CPNE2: variants seen among roughly 807,000 people sequenced by gnomAD.
CPNE2 encodes the protein copine-2.
In CPNE2, 42 loss-of-function variants were observed where a neutral mutation model predicts 69.7. The observed-to-expected ratio is 0.60, with a 90% CI of 0.47 to 0.78. CPNE2 has a LOEUF of 0.78. Ranked by LOEUF, CPNE2 falls within the 30% of genes least tolerant of loss-of-function variation. The pLI is 0.00. For synonymous variants in CPNE2, 294 were observed against 289.8 expected (o/e 1.01, Z -0.15); for missense variants, 587 against 732.0 (o/e 0.80, Z 2.29).
intron 5 of CPNE2, among the ~76,000 whole-genome samples, 161 bp downstream of exon 5, chr16:57,117,728 A>G (rs1017914492): frequency 2.6e-5 from 4 of 151,992 alleles, no homozygotes; most frequent in Admixed American, 1.3e-4. Flanking sequence ...GGACTCCTTC[A>G]CCTCTGAGGT....
At chr16:57,101,551 G>T (rs1481833227) in intron 1 of CPNE2, among the ~76,000 whole-genome samples, 1 of 152,070 alleles carries the variant, frequency 6.6e-6, no homozygotes, top group African/African-American at 2.4e-5. Context: ...GGTGTGTGAA[G>T]CCAGCAGGGC....
chr16:57,134,880 C>T (rs1438694217), intron 13 of CPNE2, 54 bp downstream of exon 13: 2 of 1,582,390 alleles, frequency 1.3e-6, no homozygotes, highest in Non-Finnish European at 1.7e-6. Flanking sequence ...GCCTGGCCAG[C>T]TCCCTGGGTG....
At chr16:57,117,193 C>T (rs759624320) in intron 4 of CPNE2, among the ~76,000 whole-genome samples, 24 of 152,088 alleles carry the variant, frequency 1.6e-4, no homozygotes, top group African/African-American at 5.3e-4. Flanking sequence ...AACCTCTCCC[C>T]GGGACTCAAG....
intron 7 of CPNE2, among the ~76,000 whole-genome samples, chr16:57,120,431 G>A (rs1384808132): frequency 1.1e-4 from 14 of 130,014 alleles, no homozygotes; most frequent in African/African-American, 3.9e-4. Flanking sequence ...CTTTAGTAGA[G>A]ACCGTCTCAA....
intron 14 of CPNE2, among the ~76,000 whole-genome samples, chr16:57,139,265 G>A (rs1273996842): frequency 1.3e-5 from 2 of 152,130 alleles, no homozygotes; most frequent in Non-Finnish European, 2.9e-5. Context: ...GCTGTCTTCT[G>A]TTCCTGGGTG....
rs1418459285 is a variant in CPNE2 at position 57,130,119 on chromosome 16, A to G, written c.1116+2216A>G. ...AAGTTGGCTGGGTGCAGTGGCTCAC[A>G]CTTATAATCTTAGCACTTTGGGAGG... On this transcript the variant is annotated intron_variant, in intron 12 of 15. Transcript: ENST00000290776. This position sits in a 1 kb window ranked among gnomAD's most constrained non-coding sequence, Gnocchi z 4.1. 4.6e-5 allele frequency among the ~76,000 whole-genome samples: 7 copies of G among 152,116 alleles called. No homozygotes were observed. The highest frequency in any genetic ancestry group is 4.6e-4 in the Admixed American group (7 of 15,276).
At chr16:57,137,039 T>C in intron 13 of CPNE2, 110 bp from the exon 14 acceptor site, 1 of 1,461,090 alleles carries the variant, frequency 6.8e-7, no homozygotes. Context: ...ATGCTAGCCA[T>C]GGCAGGGACA....
intron 1 of CPNE2, among the ~76,000 whole-genome samples, chr16:57,104,695 G>A (rs1026032404): frequency 3.9e-5 from 6 of 152,224 alleles, no homozygotes; most frequent in Non-Finnish European, 8.8e-5. Flanking sequence ...TATGTAAAAC[G>A]ATTGTACATT....
At chr16:57,135,449 A>G (rs2069872195) in intron 13 of CPNE2, among the ~76,000 whole-genome samples, 1 of 152,178 alleles carries the variant, frequency 6.6e-6, no homozygotes, top group Non-Finnish European at 1.5e-5. Flanking sequence ...CAAGAGGAGC[A>G]CTTGAGCCTA....
At chr16:57,114,934 C>CAAAAAA (rs55845635) in intron 3 of CPNE2, among the ~76,000 whole-genome samples, 2,425 of 39,042 alleles carry the variant, frequency 0.062, 606 homozygotes, top group East Asian at 0.13. Flanking sequence ...TTGTCTCTAC[C>CAAAAAA]AAAAAAAAAA....
chr16:57,110,599 C>A, intron 1 of CPNE2, 109 bp from the exon 2 acceptor site: 1 of 608,292 alleles, frequency 1.6e-6, no homozygotes, highest in Non-Finnish European at 2.7e-6. Context: ...CTCAATTTGC[C>A]TTCCATCTCT....
chr16:57,125,280 TG>T, intron 10 of CPNE2: 2 of 456,092 alleles, frequency 4.4e-6, no homozygotes, highest in Non-Finnish European at 8.8e-6. Flanking sequence ...TTCCCAGCCC[TG>T]GGCCAGGCTT....
intron 5 of CPNE2, 116 bp downstream of exon 5, chr16:57,117,683 G>T: frequency 8.5e-7 from 1 of 1,183,390 alleles, no homozygotes; most frequent in Non-Finnish European, 1.2e-6. Flanking sequence ...CTAGGGACTG[G>T]TCCAGCACGG....
chr16:57,147,731 T>A lies in CPNE2; in HGVS notation c.*73T>A. The A allele has an allele frequency of 9.9e-7, 1 of 1,007,296 alleles. No individual in the cohort carries two copies. The highest frequency in any genetic ancestry group is 1.4e-6 in the Non-Finnish European group (1 of 721,696). 62.4% of individuals were successfully genotyped at this position (1,007,296 alleles called of 1,614,324 possible). On this transcript the variant is annotated 3_prime_UTR_variant, in exon 16 of 16. Coordinates refer to ENST00000290776, the MANE Select transcript of CPNE2 (RefSeq NM_152727.6). ...CCAGGAACATGCACGCTCACTCTGC[T>A]TCCTTGTGGGTGGCCTTTTTTTACC...
rs531928543 is a variant in CPNE2 at position 57,126,969 on chromosome 16, C to T, written c.1062-880C>T. ...TCCTCATCAGTCTCCCTGCTTCTGC[C>T]CTGGCCCCCAGCTGTGTGTCCCCTC... On this transcript the variant is annotated intron_variant, in intron 11 of 15. Coordinates refer to ENST00000290776, the MANE Select transcript of CPNE2 (RefSeq NM_152727.6). 2.0e-5 allele frequency among the ~76,000 whole-genome samples: 3 copies of T among 152,286 alleles called. No individual in the cohort carries two copies. In the South Asian group the frequency reaches 6.2e-4, roughly 32 times the overall value.
chr16:57,124,512 A>T, intron 10 of CPNE2: 1 of 365,524 alleles, frequency 2.7e-6, no homozygotes, highest in Admixed American at 3.0e-5. Flanking sequence ...TTTTGCTTCC[A>T]CTCCAACCCC....
At chr16:57,119,842 G>A (rs1431577623) in intron 7 of CPNE2, among the ~76,000 whole-genome samples, 192 bp downstream of exon 7, 1 of 152,222 alleles carries the variant, frequency 6.6e-6, no homozygotes, top group Non-Finnish European at 1.5e-5. Flanking sequence ...TACCCGGGCA[G>A]GGCCCCCACC....
chr16:57,095,436 C>A (rs747182755), intron 1 of CPNE2, among the ~76,000 whole-genome samples: 24 of 152,258 alleles, frequency 1.6e-4, no homozygotes, highest in Non-Finnish European at 7.4e-5. Flanking sequence ...CTGTTCCATA[C>A]CCTGGAATAT....
chr16:57,097,186 A>G (rs549596488), intron 1 of CPNE2, among the ~76,000 whole-genome samples: 4 of 151,980 alleles, frequency 2.6e-5, no homozygotes, highest in Admixed American at 2.6e-4. Flanking sequence ...TATCACAATC[A>G]CTTCACCCTG....
Sources: allele counts gnomAD v4.1 joint callset (sites outside exome capture counted in the v4.1 genomes callset), GRCh38; gene constraint gnomAD v4.1.1; non-coding constraint Gnocchi (gnomAD v3.1); transcripts MANE v1.5; gene names NCBI Gene and HGNC (gene_info 2026-07-23, HGNC 2026-07-21).